Variants in CFAP36 observed in about 807,000 individuals in gnomAD.
The protein encoded by CFAP36 is cilia and flagella associated protein 36.
A neutral mutation model predicts 50.5 loss-of-function variants in CFAP36; 37 were observed. The observed-to-expected ratio is 0.73, with a 90% CI of 0.56 to 0.96. The LOEUF (loss-of-function observed/expected upper bound fraction) is 0.96, where lower values mean the gene tolerates loss of function less well. CFAP36 is among the 50% of genes least tolerant of loss of function. CFAP36 has a pLI of 0.00. For synonymous variants in CFAP36, 138 were observed against 128.2 expected (o/e 1.08, Z -0.52); for missense variants, 407 against 396.2 (o/e 1.03, Z -0.23).
rs60921606 is a variant in CFAP36 at position 55,521,595 on chromosome 2, ATGTGTGTGTGTG to A, written c.116-491_116-480del. ...AGCTTGTTTACAATTAATAGTATAT[ATGTGTGTGTGTG>A]TGTGTGTGTGTGTGTATATTTTTTT... On this transcript the variant is annotated intron_variant, in intron 1 of 9. Transcript: ENST00000349456. Among the ~76,000 whole-genome samples, 9 of 146,218 alleles carry A rather than the reference ATGTGTGTGTGTG, an allele frequency of 6.2e-5. No homozygotes were observed. The South Asian group carries it at 1.5e-3, about 25-fold the overall frequency.
chr2:55,523,779 A>C lies in CFAP36; in HGVS notation c.239A>C (p.Gln80Pro). The C allele has an allele frequency of 6.2e-7, 1 of 1,610,698 alleles. No individual in the cohort carries two copies. The highest frequency in any genetic ancestry group is 8.5e-7 in the Non-Finnish European group (1 of 1,177,890). Residue 80 changes from glutamine (Q) to proline (P), a missense_variant, in exon 3 of 10, where the codon CAA (glutamine) becomes CCA (proline). Transcript: ENST00000349456. ...ATTGGAATTAATGAAGATCAATTTC[A>C]AGAAGCATGCACTTCTCCTCTTGCA... is the stretch of plus-strand genomic sequence containing the variant. ...KEIGINEDQFQEACTSPLAKT... is the reference protein window; with the variant it reads ...KEIGINEDQFPEACTSPLAKT...
chr2:55,525,458 A>G (rs1265571644), intron 3 of CFAP36, among the ~76,000 whole-genome samples: 1 of 152,176 alleles, frequency 6.6e-6, no homozygotes, highest in East Asian at 1.9e-4. Context: ...CCCAACCCCA[A>G]AAAACAAAAC....
intron 3 of CFAP36, among the ~76,000 whole-genome samples, chr2:55,526,128 T>C (rs1684202184): frequency 6.6e-6 from 1 of 152,250 alleles, no homozygotes; most frequent in South Asian, 2.1e-4. Flanking sequence ...TCAATCTACT[T>C]AACTAGGCCA....
At chr2:55,541,825 G>T (rs1684646437) in intron 7 of CFAP36, among the ~76,000 whole-genome samples, 1 of 120,990 alleles carries the variant, frequency 8.3e-6, no homozygotes. Flanking sequence ...ATTAAGTATT[G>T]TGTTAAGTTT....
intron 7 of CFAP36, among the ~76,000 whole-genome samples, chr2:55,540,013 T>C (rs1296608237): frequency 6.6e-6 from 1 of 152,250 alleles, no homozygotes; most frequent in African/African-American, 2.4e-5. Flanking sequence ...TTTTAAGTGT[T>C]CTTTGTATAT....
chr2:55,533,900 G>T lies in CFAP36; in HGVS notation c.425G>T (p.Gly142Val), dbSNP rs1313685793. Residue 142 changes from glycine to valine, a missense_variant, in exon 5 of 10, where the codon GGC becomes GTC. Coordinates refer to ENST00000349456, the MANE Select transcript of CFAP36 (RefSeq NM_080667.7). ...GTATTACCTGACTGCTTAACCGATGGCTCTGATGTGGTCAGTGACCTTGAA... is the reference window on the plus strand; with the variant it reads ...GTATTACCTGACTGCTTAACCGATGTCTCTGATGTGGTCAGTGACCTTGAA... ...NGVLPDCLTDGSDVVSDLEHE... is the reference protein window; with the variant it reads ...NGVLPDCLTDVSDVVSDLEHE... 1.2e-6 allele frequency: 2 copies of T among 1,611,806 alleles called. No individual in the cohort carries two copies. The highest frequency in any genetic ancestry group is 1.7e-5 in the Admixed American group (1 of 59,844).
chr2:55,537,554 G>A lies in CFAP36; in HGVS notation c.609G>A (p.Gly203=). The A allele has an allele frequency of 6.2e-7, 1 of 1,613,322 alleles. No homozygotes were observed. The highest frequency in any genetic ancestry group is 1.1e-5 in the South Asian group (1 of 90,922). ...SEAAIMNNSQ[G]DGEHFAHPPS... ...CTGCAATAATGAATAATTCCCAAGG[G>A]GATGGTGAACATTTTGCACACCCAC... Residue 203 remains glycine (G), a synonymous_variant, in exon 7 of 10, where the codon GGG becomes GGA. Transcript: ENST00000349456.
In CFAP36 at chr2:55,535,200, G is replaced by A. The variant is rs1460508950; in HGVS notation, c.486-512G>A. ...TTAGTTATGAACATGTATAACAGTT[G>A]ACCTTGGTTACTTTCGAAAAGCACT... is the stretch of plus-strand genomic sequence containing the variant. On this transcript the variant is annotated intron_variant, in intron 5 of 9. Transcript: ENST00000349456. 3.3e-5 allele frequency among the ~76,000 whole-genome samples: 5 copies of A among 152,182 alleles called. No individual in the cohort carries two copies. The South Asian group carries it at 6.2e-4, about 19-fold the overall frequency.
intron 5 of CFAP36, among the ~76,000 whole-genome samples, chr2:55,535,313 A>G (rs903996097): frequency 1.3e-5 from 2 of 152,218 alleles, no homozygotes; most frequent in African/African-American, 4.8e-5. Context: ...CATTGGAACA[A>G]TGACATTTTA....
At chr2:55,521,379 A>G (rs559588840) in intron 1 of CFAP36, among the ~76,000 whole-genome samples, 17 of 152,196 alleles carry the variant, frequency 1.1e-4, no homozygotes, top group African/African-American at 4.1e-4. Flanking sequence ...GGTCACTTTC[A>G]GTAACATTTA....
chr2:55,521,907 G>T lies in CFAP36; in HGVS notation c.116-195G>T, dbSNP rs113563475. 8.9e-4 allele frequency among the ~76,000 whole-genome samples: 136 copies of T among 152,212 alleles called. 2 individuals are homozygous for T. The highest frequency in any genetic ancestry group is 3.0e-3 in the African/African-American group (126 of 41,538). ...GGCCTCCGAAAGTGCTGGGATTACA[G>T]GCATGAGCCACAGTGCTCGGCCAAT... On this transcript the variant is annotated intron_variant, in intron 1 of 9. Transcript: ENST00000349456.
chr2:55,535,821 C>T (rs3762513), intron 6 of CFAP36, 58 bp downstream of exon 6: 714,945 of 1,513,954 alleles, frequency 0.47, 176,064 homozygotes, highest in Non-Finnish European at 0.51. Context: ...ATTAAGTTTA[C>T]ACCTAGATCT....
At chr2:55,536,963 G>A (rs535911786) in intron 6 of CFAP36, among the ~76,000 whole-genome samples, 4 of 151,986 alleles carry the variant, frequency 2.6e-5, no homozygotes, top group East Asian at 3.9e-4. Flanking sequence ...GACCGGTCTC[G>A]AACTCCTGAC....
At chr2:55,527,644 TG>T (rs1684245567) in intron 3 of CFAP36, among the ~76,000 whole-genome samples, 2 of 152,210 alleles carry the variant, frequency 1.3e-5, no homozygotes, top group African/African-American at 4.8e-5. Flanking sequence ...TGAATTTATT[TG>T]ACATACACCA....
At chr2:55,544,633 G>T (rs1203725396) in intron 9 of CFAP36, among the ~76,000 whole-genome samples, 1 of 152,100 alleles carries the variant, frequency 6.6e-6, no homozygotes, top group African/African-American at 2.4e-5. Flanking sequence ...GTCAGGGTTG[G>T]TGGTCTGTTT....
At chr2:55,541,301 G>C (rs910845482) in intron 7 of CFAP36, among the ~76,000 whole-genome samples, 5 of 152,208 alleles carry the variant, frequency 3.3e-5, no homozygotes, top group Non-Finnish European at 5.9e-5. Context: ...TCCAGCCTGG[G>C]CAACAAGAGC....
chr2:55,534,543 G>T (rs1032182807), intron 5 of CFAP36, among the ~76,000 whole-genome samples: 1 of 152,156 alleles, frequency 6.6e-6, no homozygotes, highest in Non-Finnish European at 1.5e-5. Context: ...CTAAGAAATG[G>T]TAATGGACAT....
At chr2:55,542,847 T>A (rs1397931987) in intron 7 of CFAP36, among the ~76,000 whole-genome samples, 1 of 152,196 alleles carries the variant, frequency 6.6e-6, no homozygotes, top group Admixed American at 6.5e-5. Flanking sequence ...TTTCTGTTAG[T>A]TATGTAGCTC....
intron 3 of CFAP36, among the ~76,000 whole-genome samples, chr2:55,524,576 T>C (rs1016742882): frequency 1.3e-5 from 2 of 151,944 alleles, no homozygotes; most frequent in Admixed American, 6.6e-5. Context: ...TGTAAACTAA[T>C]GTTTATTGAG....
Sources: gnomAD v4.1 joint callset for allele counts (sites outside exome capture counted in the v4.1 genomes callset) on GRCh38, gnomAD v4.1.1 for gene constraint, MANE v1.5 for transcripts, NCBI Gene and HGNC (gene_info 2026-07-23, HGNC 2026-07-21) for gene names.